The following ALOX15 variants were observed in gnomAD, a reference collection of about 807,000 sequenced individuals.
ALOX15 encodes the protein arachidonate 15-lipoxygenase, also known as polyunsaturated fatty acid lipoxygenase ALOX15.
A neutral mutation model predicts 71.7 loss-of-function variants in ALOX15; 68 were observed. The observed-to-expected ratio is 0.95, with a 90% CI of 0.78 to 1.16. The LOEUF (loss-of-function observed/expected upper bound fraction) is 1.16, where lower values mean the gene tolerates loss of function less well. Ranked by LOEUF, ALOX15 falls within the 50% of genes most tolerant of loss-of-function variation. The probability of loss-of-function intolerance (pLI) is 0.00; values close to 1 mark genes in which losing one functional copy is unlikely to be tolerated. For synonymous variants in ALOX15, 346 were observed against 333.3 expected (o/e 1.04, Z -0.42); for missense variants, 798 against 818.8 (o/e 0.97, Z 0.31).
rs754780538 is a variant in ALOX15, at chr17:4,633,414, C to T, written c.1248G>A (p.Gln416=). ...GLVSDMGIFD[Q]IMSTGGGGHV... is the part of the protein sequence containing the mutation. ...AGAATCTCCCTTTCTCTTCCCATAC[C>T]TGGTCGAAAATTCCCATGTCAGAGA... Residue 416 remains glutamine, a splice_region_variant and synonymous_variant, in exon 9 of 14, where the codon CAG becomes CAA. Coordinates refer to ENST00000293761, the MANE Select transcript of ALOX15 (RefSeq NM_001140.5). 1.7e-5 allele frequency: 28 copies of T among 1,614,106 alleles called. No individual in the cohort carries two copies. Among genetic ancestry groups the T allele is most frequent in the Non-Finnish European group, 2.1e-5 (25 of 1,179,986 alleles).
At chr17:4,635,445 AAT>A (rs1911064114) in intron 8 of ALOX15, among the ~76,000 whole-genome samples, 1 of 151,996 alleles carries the variant, frequency 6.6e-6, no homozygotes, top group Non-Finnish European at 1.5e-5. Flanking sequence ...AAAAAAAAAA[AAT>A]CAATGTCTGG....
intron 8 of ALOX15, 90 bp from the exon 9 acceptor site, chr17:4,633,590 G>A: frequency 8.9e-7 from 1 of 1,122,046 alleles, no homozygotes. Flanking sequence ...AAAGGCACCA[G>A]GTCTTCAGAA....
At position 4,638,967 on chromosome 17, in the gene ALOX15, C is replaced by A; in HGVS notation, c.425G>T (p.Gly142Val). The change falls in exon 4 of 14, where the codon GGA (glycine) becomes GTA (valine). Residue 142 changes from glycine (G) to valine (V), a missense_variant. Physicochemically the swap from Gly to Val is moderately radical, Grantham distance 109. Coordinates refer to ENST00000293761, the MANE Select transcript of ALOX15 (RefSeq NM_001140.5). Reference sequence around the variant, plus strand: ...CAGAATTAACCCGTCCTTCCAGTTTCCCCACCTGTGGGGCAGGAAGGAAAT... The same window carrying A: ...CAGAATTAACCCGTCCTTCCAGTTTACCCACCTGTGGGGCAGGAAGGAAAT... Reference protein sequence around the residue: ...LEERRKLYRWGNWKDGLILNM... With the variant: ...LEERRKLYRWVNWKDGLILNM... 1 of 1,614,202 alleles carries A rather than the reference C, an allele frequency of 6.2e-7. No homozygotes were observed. The highest frequency in any genetic ancestry group is 8.5e-7 in the Non-Finnish European group (1 of 1,180,026).
In ALOX15 at chr17:4,632,991, C is replaced by A; in HGVS notation, c.1419-9G>T. 1 of 1,614,122 alleles carries A rather than the reference C, an allele frequency of 6.2e-7. No homozygotes were observed. The highest frequency in any genetic ancestry group is 8.5e-7 in the Non-Finnish European group (1 of 1,180,026). ...CGATTCCTTCCACATACCTACCAAC[C>A]AACGGAGCAGGGCCAGGGAGCTGAA... On this transcript the variant is annotated splice_polypyrimidine_tract_variant and intron_variant, in intron 10 of 13. Coordinates refer to ENST00000293761, the MANE Select transcript of ALOX15 (RefSeq NM_001140.5).
In ALOX15 at chr17:4,633,283, C is replaced by A. The variant is rs762655848; in HGVS notation, c.1281G>T (p.Gln427His). The stretch of plus-strand genomic sequence containing the variant: ...GGAAGGCTCCAGCTTGCTTGAGCAG[C>A]TGCACGTGGCCTCCCCCACCAGTGC... ...IMSTGGGGHVQLLKQAGAFLT... is the reference protein window; with the variant it reads ...IMSTGGGGHVHLLKQAGAFLT... The change falls in exon 10 of 14, where the codon CAG (glutamine) becomes CAT (histidine). Residue 427 changes from glutamine (Q) to histidine (H), a missense_variant. Coordinates refer to ENST00000293761, the MANE Select transcript of ALOX15 (RefSeq NM_001140.5). 1 of 1,614,108 alleles carries A rather than the reference C, an allele frequency of 6.2e-7. No individual in the cohort carries two copies. The highest frequency in any genetic ancestry group is 1.6e-4 in the Middle Eastern group (1 of 6,062).
At chr17:4,632,473 G>A (rs2077005) in intron 11 of ALOX15, among the ~76,000 whole-genome samples, 192 bp from the exon 12 acceptor site, 1 of 152,166 alleles carries the variant, frequency 6.6e-6, no homozygotes, top group African/African-American at 2.4e-5. Flanking sequence ...CACTCAGTGG[G>A]GTGCTGCTGC....
intron 4 of ALOX15, 65 bp downstream of exon 4, chr17:4,638,785 A>AT (rs1305280997): frequency 6.2e-7 from 1 of 1,613,208 alleles, no homozygotes; most frequent in Non-Finnish European, 8.5e-7. Flanking sequence ...AGTGCAGCCC[A>AT]TAAGCCCCTT....
At position 4,633,500 on chromosome 17, in the gene ALOX15, G is replaced by A. The variant is rs753451024; in HGVS notation, c.1162C>T (p.Leu388Phe). 2 of 1,613,410 alleles carry A rather than the reference G, an allele frequency of 1.2e-6. No individual in the cohort carries two copies. Among genetic ancestry groups the A allele is most frequent in the Non-Finnish European group, 8.5e-7 (1 of 1,179,396 alleles). ...GTGTATCGCAGGTGGGGAATTATAA[G>A]CTAGAGGGAGAAACACAGGGAAGGG... ...CLPSIHPIFK[L>F]IIPHLRYTLE... The change falls in exon 9 of 14, where the codon CTT (leucine) becomes TTT (phenylalanine). Residue 388 changes from leucine to phenylalanine, a missense_variant and splice_region_variant. Coordinates refer to ENST00000293761, the MANE Select transcript of ALOX15 (RefSeq NM_001140.5).
intron 7 of ALOX15, among the ~76,000 whole-genome samples, chr17:4,636,852 T>C (rs375452018): frequency 3.9e-5 from 6 of 152,164 alleles, no homozygotes; most frequent in African/African-American, 1.4e-4. Flanking sequence ...CCAAAGCTCG[T>C]GACACCCCAC....
chr17:4,634,077 G>A (rs894061507), intron 8 of ALOX15, among the ~76,000 whole-genome samples: 2 of 151,950 alleles, frequency 1.3e-5, no homozygotes, highest in Non-Finnish European at 2.9e-5. Context: ...CTACCTATGG[G>A]GTACCATGCT....
chr17:4,635,214 T>C (rs1409628145), intron 8 of ALOX15, among the ~76,000 whole-genome samples: 1 of 151,932 alleles, frequency 6.6e-6, no homozygotes, highest in African/African-American at 2.4e-5. Context: ...GCAGATCATC[T>C]GAGGTCAGGC....
intron 1 of ALOX15, among the ~76,000 whole-genome samples, chr17:4,640,940 G>A (rs1467045745): frequency 1.2e-4 from 18 of 151,606 alleles, no homozygotes; most frequent in African/African-American, 4.4e-4. Context: ...ACAGACATCC[G>A]GATTTGGGGA....
At chr17:4,638,818 C>A (rs764107057) in intron 4 of ALOX15, 32 bp downstream of exon 4, 28 of 1,613,642 alleles carry the variant, frequency 1.7e-5, no homozygotes, top group Non-Finnish European at 2.4e-5. Flanking sequence ...ACCAGGACAC[C>A]TCCCTCTCAC....
At chr17:4,635,649 A>G (rs1911070176) in intron 8 of ALOX15, 110 bp downstream of exon 8, 7 of 1,053,300 alleles carry the variant, frequency 6.6e-6, no homozygotes, top group Non-Finnish European at 1.0e-5. Context: ...TTGTCCATTC[A>G]TTGTTTCTCT....
intron 10 of ALOX15, 41 bp downstream of exon 10, chr17:4,633,105 A>AC: frequency 1.9e-6 from 3 of 1,607,242 alleles, no homozygotes; most frequent in Non-Finnish European, 1.7e-6. Flanking sequence ...TGTCTTCTCC[A>AC]CCCCCACTTG....
At chr17:4,633,026 GC>G (rs752306110) in intron 10 of ALOX15, 44 bp from the exon 11 acceptor site, 1 of 1,613,704 alleles carries the variant, frequency 6.2e-7, no homozygotes, top group South Asian at 1.1e-5. Flanking sequence ...AGCCAGCTCT[GC>G]CCCTGCTCAC....
rs764923621 is a variant in ALOX15 at position 4,641,526 on chromosome 17, T to A, written c.126A>T (p.Ala42=). 1 of 1,612,774 alleles carries A rather than the reference T, an allele frequency of 6.2e-7. No homozygotes were observed. The highest frequency in any genetic ancestry group is 1.7e-5 in the Admixed American group (1 of 60,008). ...EAALGKRLWP[A]RGKETELKVE... is the part of the protein sequence containing the mutation. The stretch of plus-strand genomic sequence containing the variant: ...GCTCTGGGGAGCTCACCTTGCCCCG[T>A]GCGGGCCACAGTCGCTTCCCGAGCG... Residue 42 remains alanine (A), a synonymous_variant, in exon 1 of 14, where the codon GCA becomes GCT. Coordinates refer to ENST00000293761, the MANE Select transcript of ALOX15 (RefSeq NM_001140.5).
chr17:4,636,754 T>G (rs1911114413), intron 7 of ALOX15, among the ~76,000 whole-genome samples: 1 of 152,086 alleles, frequency 6.6e-6, no homozygotes, highest in Non-Finnish European at 1.5e-5. Context: ...ATTGCCTGAC[T>G]CCTCTACCTC....
rs536177646 is a variant in ALOX15, at chr17:4,633,516, C to A, written c.1162-16G>T. 1.9e-6 allele frequency: 3 copies of A among 1,604,124 alleles called. No individual in the cohort carries two copies. In the East Asian group the frequency reaches 6.7e-5, roughly 36 times the overall value. On this transcript the variant is annotated splice_polypyrimidine_tract_variant and intron_variant, in intron 8 of 13. Transcript: ENST00000293761. ...GAATTATAAGCTAGAGGGAGAAACA[C>A]AGGGAAGGGCAGAGTCAGAGGAGAG... is the stretch of plus-strand genomic sequence containing the variant.
Sources: allele counts gnomAD v4.1 joint callset (sites outside exome capture counted in the v4.1 genomes callset), GRCh38; gene constraint gnomAD v4.1.1; transcripts MANE v1.5; gene names NCBI Gene and HGNC (gene_info 2026-07-23, HGNC 2026-07-21).